The following CLSTN2 variants were observed in gnomAD, a reference collection of about 807,000 sequenced individuals.
The protein encoded by CLSTN2 is calsyntenin 2.
Under a neutral mutation model 101.2 loss-of-function variants are expected in CLSTN2, and 48 were observed. The observed-to-expected ratio is 0.47, with a 90% CI of 0.38 to 0.60. The LOEUF (loss-of-function observed/expected upper bound fraction) is 0.60, where lower values mean the gene tolerates loss of function less well. CLSTN2 is among the 20% of genes least tolerant of loss of function. The pLI is 0.00. For missense variants in CLSTN2, 1,160 were observed against 1,238.2 expected (o/e 0.94, Z 0.95); for synonymous variants, 481 against 463.6 (o/e 1.04, Z -0.48).
At chr3:140,092,859 C>T (rs1289655220) in intron 1 of CLSTN2, among the ~76,000 whole-genome samples, 1 of 152,210 alleles carries the variant, frequency 6.6e-6, no homozygotes, top group Non-Finnish European at 1.5e-5. Context: ...GGGACGGTGA[C>T]TTGCGTGCTG....
chr3:140,195,915 G>A (rs767075654), intron 2 of CLSTN2, among the ~76,000 whole-genome samples: 1 of 152,140 alleles, frequency 6.6e-6, no homozygotes, highest in Non-Finnish European at 1.5e-5. Flanking sequence ...ACTATAAAGG[G>A]AATGAATGAG....
intron 2 of CLSTN2, among the ~76,000 whole-genome samples, chr3:140,385,408 G>A (rs147089041): frequency 0.017 from 2,072 of 123,890 alleles, 56 homozygotes; most frequent in African/African-American, 0.06. Flanking sequence ...TCTCGCTGTC[G>A]CCCAGGCTGG....
intron 2 of CLSTN2, among the ~76,000 whole-genome samples, chr3:140,184,448 A>G (rs1005557921): frequency 6.6e-6 from 1 of 152,112 alleles, no homozygotes; most frequent in East Asian, 1.9e-4. Flanking sequence ...TTATGAAACC[A>G]TCAGATCTCA....
intron 8 of CLSTN2, among the ~76,000 whole-genome samples, chr3:140,517,545 G>C (rs1465937385): frequency 6.6e-6 from 1 of 152,124 alleles, no homozygotes; most frequent in Non-Finnish European, 1.5e-5. Flanking sequence ...TTCCCCTAGG[G>C]ATGTGGCTTC....
intron 4 of CLSTN2, among the ~76,000 whole-genome samples, chr3:140,419,062 G>A (rs941602437): frequency 6.6e-5 from 10 of 151,474 alleles, no homozygotes; most frequent in African/African-American, 2.4e-4. Context: ...AGCATTATTT[G>A]ACTTTTCTAA....
chr3:140,310,509 C>T (rs1169503282), intron 2 of CLSTN2, among the ~76,000 whole-genome samples: 1 of 152,144 alleles, frequency 6.6e-6, no homozygotes, highest in Non-Finnish European at 1.5e-5. Context: ...CTCTGTGGGA[C>T]TGTCATCAAT....
rs891127951 is a variant in CLSTN2 at position 140,459,556 on chromosome 3, C to T, written c.1009C>T (p.Pro337Ser). The T allele has an allele frequency of 3.1e-6, 5 of 1,614,008 alleles. No individual in the cohort carries two copies. Among genetic ancestry groups the T allele is most frequent in the Non-Finnish European group, 4.2e-6 (5 of 1,179,998 alleles). The change falls in exon 7 of 17, where the codon CCT becomes TCT. Residue 337 changes from proline (P) to serine (S), a missense_variant. Transcript: ENST00000458420. ...TGGCATCATTGACCTCTTGCCATCC[C>T]CTAGCGCTGCCACCAACTGGACTGC... ...SSGIIDLLPS[P>S]SAATNWTAGL...
chr3:140,047,020 G>A (rs529331996), intron 1 of CLSTN2, among the ~76,000 whole-genome samples: 1 of 152,114 alleles, frequency 6.6e-6, no homozygotes, highest in South Asian at 2.1e-4. Context: ...ATAAAATGAA[G>A]AAAAAGTCAA....
At chr3:140,003,435 T>C (rs2006888955) in intron 1 of CLSTN2, among the ~76,000 whole-genome samples, 1 of 152,196 alleles carries the variant, frequency 6.6e-6, no homozygotes, top group Non-Finnish European at 1.5e-5. Context: ...TTATCAGTTT[T>C]AATAGCTTTT....
intron 1 of CLSTN2, among the ~76,000 whole-genome samples, chr3:140,052,615 G>A (rs1363117293): frequency 6.6e-6 from 1 of 152,196 alleles, no homozygotes; most frequent in African/African-American, 2.4e-5. Context: ...GTAACCAGCT[G>A]TGTCTCCCAC....
chr3:140,154,855 A>G (rs1215200706), intron 1 of CLSTN2, among the ~76,000 whole-genome samples: 3 of 152,030 alleles, frequency 2.0e-5, no homozygotes, highest in Non-Finnish European at 4.4e-5. Flanking sequence ...CGTGTTAGCC[A>G]GGATGGTCTC....
chr3:140,455,957 C>G (rs561771049), intron 6 of CLSTN2, among the ~76,000 whole-genome samples: 1 of 152,172 alleles, frequency 6.6e-6, no homozygotes, highest in Non-Finnish European at 1.5e-5. Context: ...AAAAGAGCCC[C>G]ACCTTATGGC....
intron 1 of CLSTN2, among the ~76,000 whole-genome samples, chr3:140,122,703 C>T (rs1291934522): frequency 1.3e-5 from 2 of 152,162 alleles, no homozygotes; most frequent in Non-Finnish European, 1.5e-5. Flanking sequence ...CAGAGGCCCC[C>T]AAGTGATGGG....
intron 2 of CLSTN2, among the ~76,000 whole-genome samples, chr3:140,387,930 A>T (rs998916056): frequency 6.6e-6 from 1 of 152,216 alleles, no homozygotes; most frequent in African/African-American, 2.4e-5. Context: ...TCATTCATTC[A>T]CCAGTCCAAG....
At chr3:140,433,295 T>A (rs2088654181) in intron 5 of CLSTN2, among the ~76,000 whole-genome samples, 3 of 152,218 alleles carry the variant, frequency 2.0e-5, no homozygotes. Flanking sequence ...CCTGTCTTCA[T>A]TCAGGATAAC....
At chr3:140,549,012 G>A (rs1424403897) in intron 10 of CLSTN2, among the ~76,000 whole-genome samples, 1 of 147,204 alleles carries the variant, frequency 6.8e-6, no homozygotes, top group Non-Finnish European at 1.5e-5. Flanking sequence ...TTGTCATTGG[G>A]GCAAGCTCAA....
intron 2 of CLSTN2, among the ~76,000 whole-genome samples, chr3:140,194,234 G>A (rs1011613617): frequency 1.3e-5 from 2 of 152,026 alleles, no homozygotes; most frequent in Admixed American, 6.6e-5. Flanking sequence ...GTCAGTGCCT[G>A]GTGAGGGCTC....
intron 2 of CLSTN2, among the ~76,000 whole-genome samples, chr3:140,327,977 T>C (rs1050272451): frequency 2.6e-5 from 4 of 152,204 alleles, no homozygotes; most frequent in Admixed American, 2.0e-4. Flanking sequence ...CAGGCCAGTT[T>C]TCCTTCAATC....
intron 1 of CLSTN2, among the ~76,000 whole-genome samples, chr3:140,133,122 A>G (rs550306768): frequency 6.6e-6 from 1 of 152,294 alleles, no homozygotes; most frequent in African/African-American, 2.4e-5. Context: ...CTCATAGCAG[A>G]AGTCGAAGTG....
Sources: allele counts gnomAD v4.1 joint callset (sites outside exome capture counted in the v4.1 genomes callset), GRCh38; gene constraint gnomAD v4.1.1; transcripts MANE v1.5; gene names NCBI Gene and HGNC (gene_info 2026-07-23, HGNC 2026-07-21).